FBXL7: variants seen among roughly 807,000 people sequenced by gnomAD.
FBXL7 encodes F-box and leucine rich repeat protein 7.
Under a neutral mutation model 38.3 loss-of-function variants are expected in FBXL7, and 12 were observed. That is an observed-to-expected ratio of 0.31 (90% CI 0.20 to 0.51). The LOEUF is 0.51. FBXL7 is among the 20% of genes least tolerant of loss of function. The pLI is 0.98. For synonymous variants in FBXL7, 297 were observed against 300.9 expected, an observed-to-expected ratio of 0.99 and a Z score of 0.13; for missense variants, 567 against 676.4, an observed-to-expected ratio of 0.84 and a Z score of 1.79.
chr5:15,758,170 T>G (rs17602672), intron 2 of FBXL7, among the ~76,000 whole-genome samples: 15,879 of 152,078 alleles, frequency 0.1, 980 homozygotes, highest in South Asian at 0.16. Context: ...TAAAATCGCC[T>G]CATATCTTAC....
chr5:15,555,439 C>T (rs922751248), intron 1 of FBXL7, among the ~76,000 whole-genome samples: 3 of 152,264 alleles, frequency 2.0e-5, no homozygotes, highest in East Asian at 3.9e-4. Flanking sequence ...TAGTTGGGCT[C>T]GCAGTCTTTA....
chr5:15,842,156 G>GT (rs1044029732), intron 2 of FBXL7, among the ~76,000 whole-genome samples: 11 of 151,938 alleles, frequency 7.2e-5, no homozygotes, highest in Non-Finnish European at 1.5e-4. Context: ...TGGGAGGGGG[G>GT]CTGAACCCTG....
rs190381930 is a variant in FBXL7, at chr5:15,521,320, T to C, written c.37+20607T>C. 5.3e-5 allele frequency among the ~76,000 whole-genome samples: 8 copies of C among 152,368 alleles called. No individual in the cohort carries two copies. In the East Asian group the frequency reaches 1.5e-3, roughly 29 times the overall value. ...AAGATGCTTTGATGCTGTTGCTTTC[T>C]TGATCTTAGAAGCATGACTGGAAGG... On this transcript the variant is annotated intron_variant, in intron 1 of 3. Coordinates refer to ENST00000504595, the MANE Select transcript of FBXL7 (RefSeq NM_012304.5).
At chr5:15,830,321 TAAAAATAC>T (rs797013531) in intron 2 of FBXL7, among the ~76,000 whole-genome samples, 27 of 151,866 alleles carry the variant, frequency 1.8e-4, no homozygotes, top group African/African-American at 5.6e-4. Context: ...CCATCTCTAC[TAAAAATAC>T]AAAAATTAAC....
At chr5:15,873,930 C>A (rs1740086507) in intron 2 of FBXL7, among the ~76,000 whole-genome samples, 1 of 152,118 alleles carries the variant, frequency 6.6e-6, no homozygotes, top group Non-Finnish European at 1.5e-5. Flanking sequence ...AGGCCAAAAT[C>A]ATCCTAATAA....
At chr5:15,561,689 A>G (rs577573214) in intron 1 of FBXL7, among the ~76,000 whole-genome samples, 9 of 152,008 alleles carry the variant, frequency 5.9e-5, no homozygotes, top group Non-Finnish European at 1.2e-4. Context: ...AAGACTGTAC[A>G]GAGGTTCCTT....
At chr5:15,594,074 A>G (rs1739551429) in intron 1 of FBXL7, among the ~76,000 whole-genome samples, 1 of 152,222 alleles carries the variant, frequency 6.6e-6, no homozygotes, top group Admixed American at 6.5e-5. Flanking sequence ...AGTGCTCACA[A>G]TATGTTCTAT....
chr5:15,855,086 C>T (rs1289898965), intron 2 of FBXL7, among the ~76,000 whole-genome samples: 1 of 152,112 alleles, frequency 6.6e-6, no homozygotes, highest in Non-Finnish European at 1.5e-5. Flanking sequence ...ATTAAGAAAA[C>T]ACTTAGCTTG....
intron 1 of FBXL7, among the ~76,000 whole-genome samples, chr5:15,566,977 C>A (rs1301506778): frequency 6.6e-6 from 1 of 152,138 alleles, no homozygotes; most frequent in Admixed American, 6.5e-5. Context: ...AATGGGGGAT[C>A]TGAGAGAACA....
At chr5:15,713,736 A>G (rs1743953437) in intron 2 of FBXL7, among the ~76,000 whole-genome samples, 1 of 152,242 alleles carries the variant, frequency 6.6e-6, no homozygotes, top group South Asian at 2.1e-4. Flanking sequence ...CAAGAAATTA[A>G]CATTTCTTAA....
chr5:15,705,514 G>GGC (rs1296720595), intron 2 of FBXL7, among the ~76,000 whole-genome samples: 5 of 152,104 alleles, frequency 3.3e-5, no homozygotes, highest in African/African-American at 1.2e-4. Context: ...AAGACAGATT[G>GGC]GCAAAATATT....
chr5:15,536,446 G>A (rs1267242479), intron 1 of FBXL7, among the ~76,000 whole-genome samples: 1 of 152,216 alleles, frequency 6.6e-6, no homozygotes, highest in Non-Finnish European at 1.5e-5. Flanking sequence ...AGGTGGAGAT[G>A]CCTAAGGCCT....
intron 2 of FBXL7, among the ~76,000 whole-genome samples, chr5:15,717,660 T>C (rs1744080128): frequency 6.6e-6 from 1 of 152,152 alleles, no homozygotes; most frequent in African/African-American, 2.4e-5. Context: ...AATGATTATA[T>C]AAAAATAGAC....
chr5:15,640,881 T>C (rs759202901), intron 2 of FBXL7, among the ~76,000 whole-genome samples: 68 of 152,286 alleles, frequency 4.5e-4, no homozygotes, highest in Non-Finnish European at 6.8e-4. Flanking sequence ...TAAAAGAGCC[T>C]TGGGAGTTGG....
intron 2 of FBXL7, among the ~76,000 whole-genome samples, chr5:15,729,684 C>T (rs1016919603): frequency 6.6e-6 from 1 of 151,906 alleles, no homozygotes; most frequent in Non-Finnish European, 1.5e-5. Flanking sequence ...TTTAATTAAG[C>T]GTTAATAAAC....
At chr5:15,820,981 C>T (rs1014246680) in intron 2 of FBXL7, among the ~76,000 whole-genome samples, 6 of 152,128 alleles carry the variant, frequency 3.9e-5, no homozygotes, top group African/African-American at 1.2e-4. Flanking sequence ...TCATGGTCTG[C>T]GGTATTAAGT....
At chr5:15,881,671 T>C (rs965235096) in intron 2 of FBXL7, among the ~76,000 whole-genome samples, 8 of 152,082 alleles carry the variant, frequency 5.3e-5, no homozygotes, top group African/African-American at 1.9e-4. Flanking sequence ...CCTTTTCTCT[T>C]ACCCACCAAA....
chr5:15,535,053 C>T (rs1737540190), intron 1 of FBXL7, among the ~76,000 whole-genome samples: 1 of 152,210 alleles, frequency 6.6e-6, no homozygotes, highest in Admixed American at 6.5e-5. Context: ...TAACCCCTCA[C>T]TCTCTCTCCC....
intron 2 of FBXL7, among the ~76,000 whole-genome samples, chr5:15,778,239 T>C (rs1736907265): frequency 6.6e-6 from 1 of 152,060 alleles, no homozygotes; most frequent in African/African-American, 2.4e-5. Context: ...AACTCCCCCT[T>C]TCAAATATTT....
Sources: gnomAD v4.1 joint callset for allele counts (sites outside exome capture counted in the v4.1 genomes callset) on GRCh38, gnomAD v4.1.1 for gene constraint, MANE v1.5 for transcripts, NCBI Gene and HGNC (gene_info 2026-07-23, HGNC 2026-07-21) for gene names.